ZMAT4: variants seen among roughly 807,000 people sequenced by gnomAD.
The protein encoded by ZMAT4 is zinc finger matrin-type protein 4.
In ZMAT4, 17 loss-of-function variants were observed where a neutral mutation model predicts 28.7. That is an observed-to-expected ratio of 0.59 (90% CI 0.41 to 0.89). The LOEUF is 0.89. ZMAT4 is among the 40% of genes least tolerant of loss of function. The probability of loss-of-function intolerance (pLI) is 0.00; values close to 1 mark genes in which losing one functional copy is unlikely to be tolerated. For missense variants in ZMAT4, 240 were observed against 283.8 expected, an observed-to-expected ratio of 0.85 and a Z score of 1.11; for synonymous variants, 117 against 109.2, an observed-to-expected ratio of 1.07 and a Z score of -0.44.
intron 3 of ZMAT4, among the ~76,000 whole-genome samples, chr8:40,702,198 G>T (rs989355784): frequency 6.6e-6 from 1 of 152,156 alleles, no homozygotes. Flanking sequence ...TGTTCATTAT[G>T]AATTACTCAG....
At chr8:40,837,926 T>G (rs1816556724) in intron 1 of ZMAT4, among the ~76,000 whole-genome samples, 1 of 152,178 alleles carries the variant, frequency 6.6e-6, no homozygotes, top group Admixed American at 6.5e-5. Flanking sequence ...AGACCCATGC[T>G]CCTCACCCCT....
chr8:40,700,356 T>C (rs1465093669), intron 3 of ZMAT4, among the ~76,000 whole-genome samples: 1 of 150,390 alleles, frequency 6.6e-6, no homozygotes, highest in East Asian at 2.0e-4. Flanking sequence ...AATTCAGTCG[T>C]ACCAGAATCT....
At chr8:40,647,415 G>T (rs543248413) in intron 5 of ZMAT4, among the ~76,000 whole-genome samples, 3 of 152,172 alleles carry the variant, frequency 2.0e-5, no homozygotes, top group Non-Finnish European at 2.9e-5. Context: ...CACCTGGCTC[G>T]GAGGGTCCTA....
chr8:40,652,962 T>C (rs948879273), intron 5 of ZMAT4, among the ~76,000 whole-genome samples: 20 of 147,898 alleles, frequency 1.4e-4, no homozygotes, highest in African/African-American at 2.7e-4. Context: ...AGGGATAGCA[T>C]TGGGAGATAT....
At chr8:40,886,370 G>A (rs545953008) in intron 1 of ZMAT4, among the ~76,000 whole-genome samples, 9 of 152,296 alleles carry the variant, frequency 5.9e-5, no homozygotes, top group Non-Finnish European at 1.0e-4. Context: ...TCCTTCCCTC[G>A]CTCCTCCAGG....
chr8:40,602,995 C>T (rs1805451389), intron 5 of ZMAT4, among the ~76,000 whole-genome samples: 1 of 152,166 alleles, frequency 6.6e-6, no homozygotes, highest in African/African-American at 2.4e-5. Context: ...AAGCCAATGT[C>T]TGGAAGAGTT....
intron 6 of ZMAT4, among the ~76,000 whole-genome samples, chr8:40,560,354 G>A (rs539612343): frequency 6.6e-6 from 1 of 152,036 alleles, no homozygotes; most frequent in Non-Finnish European, 1.5e-5. Flanking sequence ...CACAGTACCA[G>A]CAGAAATATA....
intron 1 of ZMAT4, among the ~76,000 whole-genome samples, chr8:40,839,698 T>C (rs1253727538): frequency 6.6e-6 from 1 of 152,218 alleles, no homozygotes; most frequent in East Asian, 1.9e-4. Flanking sequence ...AAGTGAAACA[T>C]GCCAGGCACA....
chr8:40,871,189 T>C (rs572254734), intron 1 of ZMAT4, among the ~76,000 whole-genome samples: 15 of 152,264 alleles, frequency 9.9e-5, no homozygotes, highest in African/African-American at 3.6e-4. Flanking sequence ...TAGTTTCTCT[T>C]TTACAAGAGT....
chr8:40,882,012 A>C (rs1818297935), intron 1 of ZMAT4, among the ~76,000 whole-genome samples: 1 of 152,022 alleles, frequency 6.6e-6, no homozygotes, highest in Admixed American at 6.5e-5. Flanking sequence ...ACCCAACATC[A>C]ATCCCTGCAC....
intron 3 of ZMAT4, among the ~76,000 whole-genome samples, chr8:40,750,727 T>C (rs903452783): frequency 2.6e-5 from 4 of 152,058 alleles, no homozygotes; most frequent in African/African-American, 7.2e-5. Flanking sequence ...GGAAAGAGAA[T>C]ACTGAAGAAC....
chr8:40,740,247 A>C (rs1366738415), intron 3 of ZMAT4, among the ~76,000 whole-genome samples: 1 of 151,910 alleles, frequency 6.6e-6, no homozygotes, highest in Admixed American at 6.6e-5. Context: ...ACTAATTTAC[A>C]CTCCCACCAA....
intron 3 of ZMAT4, among the ~76,000 whole-genome samples, chr8:40,757,013 C>T (rs1350169683): frequency 1.3e-5 from 2 of 152,102 alleles, no homozygotes; most frequent in Admixed American, 6.5e-5. Flanking sequence ...ACAGCCCTCT[C>T]GTGTTTTGGA....
intron 1 of ZMAT4, among the ~76,000 whole-genome samples, chr8:40,853,685 G>T (rs1416760176): frequency 6.6e-6 from 1 of 152,166 alleles, no homozygotes; most frequent in Non-Finnish European, 1.5e-5. Flanking sequence ...CTGATTTTCA[G>T]TGATTTGGTG....
At chr8:40,717,198 T>C (rs893262201) in intron 3 of ZMAT4, among the ~76,000 whole-genome samples, 1 of 152,172 alleles carries the variant, frequency 6.6e-6, no homozygotes, top group Non-Finnish European at 1.5e-5. Context: ...AAGTCCCAAT[T>C]TGAAGGACCC....
intron 1 of ZMAT4, among the ~76,000 whole-genome samples, chr8:40,847,328 TA>T (rs1255416676): frequency 9.2e-5 from 14 of 152,110 alleles, no homozygotes; most frequent in African/African-American, 3.4e-4. Context: ...TTGATTACAC[TA>T]AGATGTTAAT....
At chr8:40,636,182 G>A (rs1806783973) in intron 5 of ZMAT4, among the ~76,000 whole-genome samples, 1 of 152,220 alleles carries the variant, frequency 6.6e-6, no homozygotes, top group South Asian at 2.1e-4. Context: ...TCTTAGAAAT[G>A]TGAGATTGCG....
At chr8:40,699,937 C>A (rs1451392045) in intron 3 of ZMAT4, among the ~76,000 whole-genome samples, 1 of 152,308 alleles carries the variant, frequency 6.6e-6, no homozygotes, top group African/African-American at 2.4e-5. Context: ...GGTAGAAATG[C>A]CTAAAGAAAG....
intron 5 of ZMAT4, among the ~76,000 whole-genome samples, chr8:40,653,347 A>G (rs934288830): frequency 1.3e-5 from 2 of 152,114 alleles, no homozygotes; most frequent in Non-Finnish European, 2.9e-5. Context: ...TAAAAACTAG[A>G]AATAGAGCAA....
Sources: gnomAD v4.1 joint callset for allele counts (sites outside exome capture counted in the v4.1 genomes callset) on GRCh38, gnomAD v4.1.1 for gene constraint, MANE v1.5 for transcripts, NCBI Gene and HGNC (gene_info 2026-07-23, HGNC 2026-07-21) for gene names.